Variants in SLC28A1 observed in about 807,000 individuals in gnomAD.
The protein encoded by SLC28A1 is sodium/nucleoside cotransporter 1.
A neutral mutation model predicts 74.8 loss-of-function variants in SLC28A1; 64 were observed. The observed-to-expected ratio is 0.86, with a 90% CI of 0.70 to 1.05. The LOEUF is 1.05. SLC28A1 is among the 50% of genes least tolerant of loss of function. The pLI, the probability that SLC28A1 is intolerant of heterozygous loss-of-function variation, is 0.00. For synonymous variants in SLC28A1, 359 were observed against 335.0 expected, an observed-to-expected ratio of 1.07 and a Z score of -0.78; for missense variants, 828 against 822.8, an observed-to-expected ratio of 1.01 and a Z score of -0.08.
chr15:84,905,453 G>C (rs2290270), intron 7 of SLC28A1, 86 bp from the exon 8 acceptor site: 408,561 of 898,090 alleles, frequency 0.45, 95,831 homozygotes, highest in African/African-American at 0.6. Context: ...TCTGGGCAGG[G>C]CAATGCCCCC....
At chr15:84,896,302 A>G (rs1158224991) in intron 6 of SLC28A1, among the ~76,000 whole-genome samples, 2 of 152,232 alleles carry the variant, frequency 1.3e-5, no homozygotes, top group African/African-American at 4.8e-5. Flanking sequence ...ATGAATGATA[A>G]AAGGTTTTGC....
intron 6 of SLC28A1, among the ~76,000 whole-genome samples, chr15:84,903,600 T>C (rs1166793231): frequency 6.6e-6 from 1 of 152,146 alleles, no homozygotes; most frequent in African/African-American, 2.4e-5. Context: ...GATCCGTTCC[T>C]TGGTCTCAGG....
the SLC28A1 span, among the ~76,000 whole-genome samples, chr15:84,955,708 G>T: frequency 6.6e-6 from 1 of 152,184 alleles, no homozygotes; most frequent in Non-Finnish European, 1.5e-5. Flanking sequence ...CCTTTTGTGG[G>T]GGAGGTCGGT....
chr15:84,921,417 G>A (rs183550712), intron 11 of SLC28A1, among the ~76,000 whole-genome samples: 11 of 152,308 alleles, frequency 7.2e-5, no homozygotes, highest in Non-Finnish European at 1.6e-4. Context: ...TATAAGCCAC[G>A]GCTTCAAATC....
chr15:84,928,583 T>TC (rs1567172319), intron 12 of SLC28A1, among the ~76,000 whole-genome samples: 16 of 25,638 alleles, frequency 6.2e-4, no homozygotes, highest in South Asian at 4.5e-3. Flanking sequence ...TCTTTCTTTC[T>TC]TTCTTTCTTT....
chr15:84,969,847 AT>A, the SLC28A1 span, among the ~76,000 whole-genome samples: 2 of 152,134 alleles, frequency 1.3e-5, no homozygotes, highest in African/African-American at 4.8e-5. Flanking sequence ...ATAGCCTTCA[AT>A]TATTTCTCTC....
chr15:84,899,228 C>T (rs1228050384), intron 6 of SLC28A1, among the ~76,000 whole-genome samples: 2 of 152,062 alleles, frequency 1.3e-5, no homozygotes, highest in East Asian at 3.9e-4. Flanking sequence ...CAGGCCCTGC[C>T]TAACACATCT....
At chr15:84,922,804 G>A (rs1363938282) in intron 11 of SLC28A1, among the ~76,000 whole-genome samples, 6 of 152,306 alleles carry the variant, frequency 3.9e-5, no homozygotes, top group South Asian at 4.1e-4. Context: ...AGAGCTTCTT[G>A]CTGCCTTAGG....
At chr15:84,969,141 G>A in the SLC28A1 span, among the ~76,000 whole-genome samples, 2 of 152,166 alleles carry the variant, frequency 1.3e-5, no homozygotes, top group African/African-American at 2.4e-5. Flanking sequence ...CTGGCTCTGT[G>A]GCTGAGTCTC....
downstream of SLC28A1, among the ~76,000 whole-genome samples, chr15:84,946,840 G>A (rs72754964): frequency 0.13 from 19,767 of 151,880 alleles, 1,797 homozygotes; most frequent in South Asian, 0.43. Flanking sequence ...TCTCCCTGCC[G>A]CCTGCCCTGC....
chr15:84,908,818 G>A lies in SLC28A1; in HGVS notation c.795+23G>A, dbSNP rs1332895826. ...CAGGTCAGCTTGACTCAGGGTCCCAGAGGCCTTTAGCAGCCACCGCCCAGC... is the reference window on the plus strand; with the variant it reads ...CAGGTCAGCTTGACTCAGGGTCCCAAAGGCCTTTAGCAGCCACCGCCCAGC... On this transcript the variant is annotated intron_variant, in intron 9 of 18. Coordinates refer to ENST00000394573, the MANE Select transcript of SLC28A1 (RefSeq NM_004213.5). The A allele has an allele frequency of 3.1e-6, 5 of 1,604,418 alleles. No individual in the cohort carries two copies. The African/African-American group carries it at 6.7e-5, about 21-fold the overall frequency.
downstream of SLC28A1, among the ~76,000 whole-genome samples, chr15:84,949,565 AT>A (rs11318236): frequency 0.82 from 85,452 of 103,836 alleles, 35,309 homozygotes; most frequent in East Asian, 0.92. Flanking sequence ...TGCCCGGCTA[AT>A]TTTTTTTTTT....
At chr15:84,964,433 T>C in the SLC28A1 span, among the ~76,000 whole-genome samples, 1 of 152,324 alleles carries the variant, frequency 6.6e-6, no homozygotes, top group East Asian at 1.9e-4. Context: ...ACCTATTCCT[T>C]CCTCTCACTC....
At chr15:84,922,747 G>A (rs566866014) in intron 11 of SLC28A1, among the ~76,000 whole-genome samples, 6 of 152,268 alleles carry the variant, frequency 3.9e-5, no homozygotes, top group South Asian at 2.1e-4. Context: ...GCTCCCCCGC[G>A]CCCATCTGCA....
the SLC28A1 span, among the ~76,000 whole-genome samples, chr15:84,955,388 C>G: frequency 6.6e-6 from 1 of 152,128 alleles, no homozygotes; most frequent in African/African-American, 2.4e-5. Context: ...GATGTCTGAC[C>G]GTGAAGCATC....
chr15:84,955,107 A>T, the SLC28A1 span, among the ~76,000 whole-genome samples: 1 of 152,180 alleles, frequency 6.6e-6, no homozygotes, highest in African/African-American at 2.4e-5. Flanking sequence ...CAACTGTCCC[A>T]GCTGAGCCCA....
At chr15:84,940,590 T>G (rs1214017817) in intron 15 of SLC28A1, 1 of 154,442 alleles carries the variant, frequency 6.5e-6, no homozygotes, top group Non-Finnish European at 1.5e-5. Context: ...TCTTTTTCTT[T>G]CTTTTTCAGC....
chr15:84,917,672 C>A (rs975614235), intron 9 of SLC28A1, among the ~76,000 whole-genome samples: 12 of 152,236 alleles, frequency 7.9e-5, no homozygotes, highest in African/African-American at 2.4e-4. Flanking sequence ...GGAAATCAGT[C>A]CACAGCTGCC....
intron 15 of SLC28A1, among the ~76,000 whole-genome samples, chr15:84,939,968 C>T (rs146893800): frequency 1.0e-3 from 157 of 152,222 alleles, no homozygotes; most frequent in African/African-American, 3.6e-3. Context: ...GGATTACAGA[C>T]GTGTGCCACC....
Sources: allele counts gnomAD v4.1 joint callset (sites outside exome capture counted in the v4.1 genomes callset), GRCh38; gene constraint gnomAD v4.1.1; transcripts MANE v1.5; gene names NCBI Gene and HGNC (gene_info 2026-07-23, HGNC 2026-07-21).